DOCK5: variants seen among roughly 807,000 people sequenced by gnomAD.
DOCK5 encodes dedicator of cytokinesis protein 5.
In DOCK5, 142 loss-of-function variants were observed where a neutral mutation model predicts 251.8. The ratio of observed to expected loss-of-function variants is 0.56; its 90% confidence interval spans 0.49 to 0.65. The LOEUF (loss-of-function observed/expected upper bound fraction) is 0.65, where lower values mean the gene tolerates loss of function less well. Among genes scored for constraint, DOCK5 ranks in the 30% least tolerant of loss-of-function variants. The probability of loss-of-function intolerance (pLI) is 0.00; values close to 1 mark genes in which losing one functional copy is unlikely to be tolerated. For missense variants in DOCK5, 2,111 were observed against 2,312.3 expected, an observed-to-expected ratio of 0.91 and a Z score of 1.79; for synonymous variants, 842 against 835.5, an observed-to-expected ratio of 1.01 and a Z score of -0.13.
Position 25,300,556 on chromosome 8 carries a change from AT to A in DOCK5, c.765-11del, listed in dbSNP as rs5890219. 1,384,305 of 1,600,008 alleles carry A rather than the reference AT, an allele frequency of 0.87. 600,715 individuals carry two copies. The highest frequency in any genetic ancestry group is 0.92 in the African/African-American group (68,682 of 74,652). On this transcript the variant is annotated intron_variant, in intron 8 of 51. Coordinates refer to ENST00000276440, the MANE Select transcript of DOCK5 (RefSeq NM_024940.8). ...CCCAGTTAGCCTCTCATTAAGAGCA[AT>A]TTTTTTTTCCTTTGCCAGTGAGAAC...
intron 1 of DOCK5, among the ~76,000 whole-genome samples, chr8:25,188,345 TG>T (rs1476147208): frequency 6.6e-6 from 1 of 152,256 alleles, no homozygotes; most frequent in Non-Finnish European, 1.5e-5. Context: ...AAGTGTGTAC[TG>T]GTCAGATTTG....
At chr8:25,219,531 G>A (rs1379656328) in intron 1 of DOCK5, among the ~76,000 whole-genome samples, 1 of 152,018 alleles carries the variant, frequency 6.6e-6, no homozygotes, top group Non-Finnish European at 1.5e-5. Context: ...TTTCTGGATT[G>A]CATCCTGTAG....
intron 45 of DOCK5, among the ~76,000 whole-genome samples, chr8:25,396,760 G>T (rs1188736785): frequency 9.9e-6 from 1 of 101,140 alleles, no homozygotes; most frequent in Non-Finnish European, 2.2e-5. Flanking sequence ...GCACTCTTGT[G>T]TCCGTGTGTG....
At chr8:25,186,062 T>A (rs1264059430) in intron 1 of DOCK5, among the ~76,000 whole-genome samples, 3 of 152,196 alleles carry the variant, frequency 2.0e-5, no homozygotes, top group East Asian at 1.9e-4. Context: ...CTCACCTCAC[T>A]GGTTAATGAA....
chr8:25,333,195 G>A (rs1163534085), intron 20 of DOCK5, among the ~76,000 whole-genome samples: 7 of 152,172 alleles, frequency 4.6e-5, no homozygotes, highest in Non-Finnish European at 1.0e-4. Context: ...ATCAGAATCT[G>A]GGAAAGCCAG....
At chr8:25,395,834 C>G in intron 45 of DOCK5, 115 bp downstream of exon 45, 1 of 1,237,090 alleles carries the variant, frequency 8.1e-7, no homozygotes, top group Non-Finnish European at 1.2e-6. Context: ...AAGAAATGTT[C>G]ACTTTCCCTT....
At chr8:25,348,713 C>G (rs1487262582) in intron 26 of DOCK5, among the ~76,000 whole-genome samples, 2 of 151,988 alleles carry the variant, frequency 1.3e-5, no homozygotes, top group African/African-American at 4.8e-5. Flanking sequence ...TGGTGCGCAC[C>G]TGTAACCCCA....
chr8:25,313,886 C>T (rs911355454), intron 13 of DOCK5, among the ~76,000 whole-genome samples: 4 of 152,126 alleles, frequency 2.6e-5, no homozygotes, highest in Admixed American at 6.5e-5. Flanking sequence ...TCATATTCTG[C>T]GTTACTAGGG....
At chr8:25,206,955 C>T (rs1006337889) in intron 1 of DOCK5, among the ~76,000 whole-genome samples, 1 of 152,152 alleles carries the variant, frequency 6.6e-6, no homozygotes, top group Non-Finnish European at 1.5e-5. Flanking sequence ...TGGAGAGACC[C>T]TACAGCCCTA....
At chr8:25,252,201 C>T (rs1429856056) in intron 2 of DOCK5, among the ~76,000 whole-genome samples, 1 of 152,074 alleles carries the variant, frequency 6.6e-6, no homozygotes, top group African/African-American at 2.4e-5. Flanking sequence ...ATTGTTCCTC[C>T]TTTCTACTTG....
chr8:25,351,938 A>T, intron 27 of DOCK5, 112 bp downstream of exon 27: 1 of 722,660 alleles, frequency 1.4e-6, no homozygotes, highest in Non-Finnish European at 2.4e-6. Flanking sequence ...TGGGCCTCTC[A>T]CATCATGGGT....
At chr8:25,249,366 T>C (rs1258890985) in intron 2 of DOCK5, among the ~76,000 whole-genome samples, 1 of 152,170 alleles carries the variant, frequency 6.6e-6, no homozygotes, top group East Asian at 1.9e-4. Flanking sequence ...ACCAATCAAT[T>C]TACTTATTTA....
chr8:25,244,119 T>C (rs997079167), intron 2 of DOCK5, among the ~76,000 whole-genome samples: 1 of 152,202 alleles, frequency 6.6e-6, no homozygotes, highest in Admixed American at 6.5e-5. Flanking sequence ...AAGGGTCTCT[T>C]TCTGTTCAGC....
At chr8:25,346,199 G>A (rs1034796078) in intron 26 of DOCK5, among the ~76,000 whole-genome samples, 1 of 151,628 alleles carries the variant, frequency 6.6e-6, no homozygotes, top group African/African-American at 2.4e-5. Flanking sequence ...TGGTGGCTCA[G>A]GCCTGTAATC....
At chr8:25,196,252 A>C (rs1009320144) in intron 1 of DOCK5, among the ~76,000 whole-genome samples, 9 of 152,208 alleles carry the variant, frequency 5.9e-5, no homozygotes, top group African/African-American at 2.2e-4. Context: ...CCTGGAAAGA[A>C]AATGCTTGAC....
intron 26 of DOCK5, among the ~76,000 whole-genome samples, chr8:25,346,470 A>G (rs1800368701): frequency 6.6e-6 from 1 of 152,034 alleles, no homozygotes; most frequent in South Asian, 2.1e-4. Flanking sequence ...CTGGAACCTA[A>G]TGGAAATTAT....
chr8:25,399,044 G>T (rs1016818623), intron 45 of DOCK5, among the ~76,000 whole-genome samples: 2 of 152,308 alleles, frequency 1.3e-5, no homozygotes, highest in South Asian at 4.1e-4. Context: ...TAAAGCAGAA[G>T]ACCGAAGGGG....
At chr8:25,203,517 T>G (rs1282396845) in intron 1 of DOCK5, among the ~76,000 whole-genome samples, 1 of 152,234 alleles carries the variant, frequency 6.6e-6, no homozygotes, top group Non-Finnish European at 1.5e-5. Context: ...TTTTCTTTCC[T>G]GAATGAGAAA....
chr8:25,358,269 C>G (rs1000177532), intron 27 of DOCK5, among the ~76,000 whole-genome samples: 16 of 152,204 alleles, frequency 1.1e-4, no homozygotes, highest in African/African-American at 3.6e-4. Context: ...TCCTTCATCA[C>G]ATGGCGGCAG....
Sources: allele counts gnomAD v4.1 joint callset (sites outside exome capture counted in the v4.1 genomes callset), GRCh38; gene constraint gnomAD v4.1.1; transcripts MANE v1.5; gene names NCBI Gene and HGNC (gene_info 2026-07-23, HGNC 2026-07-21).